Variants in CLCN5 observed in about 807,000 individuals in gnomAD.
CLCN5 encodes the protein H(+)/Cl(-) exchange transporter 5.
Under a neutral mutation model 54.0 loss-of-function variants are expected in CLCN5, and 17 were observed. The ratio of observed to expected loss-of-function variants is 0.31; its 90% CI spans 0.22 to 0.47. The LOEUF (loss-of-function observed/expected upper bound fraction) is 0.47, where lower values mean the gene tolerates loss of function less well. Among genes scored for constraint, CLCN5 ranks in the 20% least tolerant of loss-of-function variants. The pLI is 1.00. For synonymous variants in CLCN5, 222 were observed against 233.0 expected (o/e 0.95, Z 0.43); for missense variants, 448 against 646.7 (o/e 0.69, Z 3.33).
At position 50,092,745 on chromosome X, in the gene CLCN5, A is replaced by G. The variant is rs1022022668; in HGVS notation, c.*526A>G. On this transcript the variant is annotated 3_prime_UTR_variant, in exon 15 of 15. Transcript: ENST00000376091. ...ACTGTGAAGATTCAGTTCAAATGTT[A>G]TCCTTGTTCCTGTTACAATATTTAG... The G allele has an allele frequency of 5.1e-5, 6 of 117,367 alleles. No individual in the cohort carries two copies. The highest frequency in any genetic ancestry group is 1.9e-4 in the African/African-American group (6 of 31,033). The allele number at this position is 117,367 out of a possible 1,213,427, so 9.7% of individuals were successfully genotyped here. A position where few individuals can be genotyped will look rare whatever the true frequency, so the allele number is the denominator to read the frequency against.
At chrX:49,927,183 T>C (rs533983101) in intron 3 of CLCN5, among the ~76,000 whole-genome samples, 2 of 112,266 alleles carry the variant, frequency 1.8e-5, no homozygotes, top group South Asian at 7.5e-4. Flanking sequence ...TAATGATGCA[T>C]AAAGAGCTTG....
intron 3 of CLCN5, among the ~76,000 whole-genome samples, chrX:50,004,753 T>C (rs1182275649): frequency 9.0e-6 from 1 of 110,504 alleles, no homozygotes; most frequent in African/African-American, 3.3e-5. Flanking sequence ...CTACTAAAAA[T>C]ACAAAAATTA....
intron 3 of CLCN5, among the ~76,000 whole-genome samples, chrX:50,002,802 A>T (rs1929933465): frequency 9.1e-6 from 1 of 109,601 alleles, no homozygotes; most frequent in Non-Finnish European, 1.9e-5. Flanking sequence ...TGCATGCCAG[A>T]TTCTAAGCTT....
intron 4 of CLCN5, among the ~76,000 whole-genome samples, chrX:50,057,123 A>G (rs1055525980): frequency 9.0e-6 from 1 of 110,858 alleles, no homozygotes; most frequent in Non-Finnish European, 1.9e-5. Context: ...TGGCTGTCAG[A>G]CATAGCACTG....
At chrX:49,928,608 G>A (rs1376553567) in intron 3 of CLCN5, among the ~76,000 whole-genome samples, 12 of 111,836 alleles carry the variant, frequency 1.1e-4, no homozygotes, top group African/African-American at 3.3e-4. Flanking sequence ...TTAAGTAGAA[G>A]TTTAGACTTG....
chrX:50,004,166 C>G (rs1448735416), intron 3 of CLCN5, among the ~76,000 whole-genome samples: 2 of 111,774 alleles, frequency 1.8e-5, no homozygotes, highest in African/African-American at 6.5e-5. Context: ...GCAGCCGATT[C>G]ATTTGGTGAG....
intron 7 of CLCN5, among the ~76,000 whole-genome samples, chrX:50,076,590 A>G (rs1933413458): frequency 2.7e-5 from 3 of 111,407 alleles, no homozygotes; most frequent in East Asian, 2.8e-4. Flanking sequence ...TGACATGACC[A>G]TAGCTCACCA....
rs1925125186 is a variant in CLCN5, at chrX:49,922,781, C to A, written c.-216C>A. 8.8e-6 allele frequency: 1 copy of A among 113,182 alleles called. No homozygotes were observed. Among genetic ancestry groups the A allele is most frequent in the South Asian group, 3.6e-4 (1 of 2,801 alleles). The allele number at this position is 113,182 out of a possible 1,213,427, so 9.3% of individuals were successfully genotyped here. A position where few individuals can be genotyped will look rare whatever the true frequency, so the allele number is the denominator to read the frequency against. ...CGGACACGGGCTCCGCCGCTCCGGA[C>A]CTCGGCGACAGGTAAAGGCAAACGG... On this transcript the variant is annotated 5_prime_UTR_variant, in exon 1 of 15. Coordinates refer to ENST00000376091, the MANE Select transcript of CLCN5 (RefSeq NM_001127898.4).
intron 3 of CLCN5, among the ~76,000 whole-genome samples, chrX:50,016,425 T>C (rs1930792725): frequency 9.0e-6 from 1 of 110,645 alleles, no homozygotes; most frequent in Non-Finnish European, 1.9e-5. Flanking sequence ...ATAGAGTTGT[T>C]ATATATTCTC....
chrX:50,038,156 G>GA (rs1408271974), intron 3 of CLCN5, among the ~76,000 whole-genome samples: 2 of 111,699 alleles, frequency 1.8e-5, no homozygotes, highest in Non-Finnish European at 3.8e-5. Flanking sequence ...ATTTGAGTAT[G>GA]AAAACAATAG....
intron 4 of CLCN5, among the ~76,000 whole-genome samples, chrX:50,069,200 A>G (rs1389121510): frequency 8.9e-6 from 1 of 112,183 alleles, no homozygotes; most frequent in Non-Finnish European, 1.9e-5. Context: ...ATAAGGGACT[A>G]TGATGGGTGG....
intron 3 of CLCN5, among the ~76,000 whole-genome samples, chrX:50,015,140 A>C (rs1930721633): frequency 9.0e-6 from 1 of 111,210 alleles, no homozygotes; most frequent in Non-Finnish European, 1.9e-5. Context: ...TTTAGTGTTA[A>C]GGATGCAGTG....
intron 3 of CLCN5, among the ~76,000 whole-genome samples, chrX:49,951,685 G>C (rs1927047383): frequency 8.9e-6 from 1 of 112,023 alleles, no homozygotes; most frequent in African/African-American, 3.2e-5. Context: ...GGTGACATTT[G>C]AGCTGGTTGG....
intron 3 of CLCN5, among the ~76,000 whole-genome samples, chrX:49,934,865 C>T (rs1925855003): frequency 8.9e-6 from 1 of 111,883 alleles, no homozygotes; most frequent in African/African-American, 3.3e-5. Context: ...CAAAAGAAAA[C>T]CCTGGCTCTG....
chrX:49,974,153 A>T (rs1557176666), intron 3 of CLCN5, among the ~76,000 whole-genome samples: 1 of 112,007 alleles, frequency 8.9e-6, no homozygotes, highest in Non-Finnish European at 1.9e-5. Flanking sequence ...TCACCAGTTG[A>T]TGGACATTTG....
At chrX:50,026,638 A>G (rs1226803643) in intron 3 of CLCN5, among the ~76,000 whole-genome samples, 2 of 111,222 alleles carry the variant, frequency 1.8e-5, no homozygotes, top group Non-Finnish European at 3.8e-5. Context: ...ATCGCTGATA[A>G]TTTTCCCTGC....
intron 4 of CLCN5, among the ~76,000 whole-genome samples, chrX:50,062,996 C>T (rs1157962964): frequency 9.1e-6 from 1 of 110,063 alleles, no homozygotes; most frequent in Non-Finnish European, 1.9e-5. Context: ...ATCTCTGGGA[C>T]GCATTCAAAG....
chrX:50,079,937 C>T (rs1933613797), intron 7 of CLCN5, among the ~76,000 whole-genome samples: 1 of 111,384 alleles, frequency 9.0e-6, no homozygotes, highest in Admixed American at 9.5e-5. Context: ...GCTCTTACCA[C>T]ACATACAAAG....
chrX:50,007,465 CACACACACAG>C (rs1930258695), intron 3 of CLCN5, among the ~76,000 whole-genome samples: 7 of 105,628 alleles, frequency 6.6e-5, no homozygotes, highest in African/African-American at 2.6e-4. Context: ...CACACACACA[CACACACACAG>C]AGAGAGTGGA....
Sources: gnomAD v4.1 joint callset for allele counts (sites outside exome capture counted in the v4.1 genomes callset) on GRCh38, gnomAD v4.1.1 for gene constraint, MANE v1.5 for transcripts, NCBI Gene and HGNC (gene_info 2026-07-23, HGNC 2026-07-21) for gene names.